The following MAGI2 variants were observed in gnomAD, a reference collection of about 807,000 sequenced individuals.
The protein encoded by MAGI2 is membrane-associated guanylate kinase, WW and PDZ domain-containing protein 2.
In MAGI2, 35 loss-of-function variants were observed where a neutral mutation model predicts 133.3. The ratio of observed to expected loss-of-function variants is 0.26; its 90% CI spans 0.20 to 0.35. The LOEUF (loss-of-function observed/expected upper bound fraction) is 0.35, where lower values mean the gene tolerates loss of function less well. Ranked by LOEUF, MAGI2 falls within the 10% of genes least tolerant of loss-of-function variation. The probability of loss-of-function intolerance (pLI) is 1.00; values close to 1 mark genes in which losing one functional copy is unlikely to be tolerated. For synonymous variants in MAGI2, 729 were observed against 710.6 expected (o/e 1.03, Z -0.41); for missense variants, 1,636 against 1,863.4 (o/e 0.88, Z 2.25).
At chr7:78,396,164 C>T (rs918265620) in intron 6 of MAGI2, among the ~76,000 whole-genome samples, 1 of 152,134 alleles carries the variant, frequency 6.6e-6, no homozygotes, top group African/African-American at 2.4e-5. Context: ...ATTTTCAGAT[C>T]ACCAGTATAA....
chr7:78,553,768 G>A (rs1799560399), intron 3 of MAGI2, among the ~76,000 whole-genome samples: 1 of 152,182 alleles, frequency 6.6e-6, no homozygotes, highest in South Asian at 2.1e-4. Context: ...GTTACCAAGT[G>A]GCAGGGATAG....
At chr7:78,125,639 A>G in intron 20 of MAGI2, 55 bp downstream of exon 20, 1 of 1,584,714 alleles carries the variant, frequency 6.3e-7, no homozygotes, top group South Asian at 1.1e-5. Flanking sequence ...TTCCAATACC[A>G]CAGTCGGTTT....
At chr7:79,264,352 G>T (rs1320801823) in intron 1 of MAGI2, among the ~76,000 whole-genome samples, 3 of 152,192 alleles carry the variant, frequency 2.0e-5, no homozygotes, top group African/African-American at 7.2e-5. Flanking sequence ...AACTCAAAAT[G>T]TAGGGGTTTT....
intron 1 of MAGI2, among the ~76,000 whole-genome samples, chr7:79,444,843 G>A (rs923788527): frequency 2.0e-4 from 30 of 152,304 alleles, no homozygotes; most frequent in Non-Finnish European, 2.2e-4. Context: ...CCAAAAAAGA[G>A]CCTGCATTGC....
At chr7:79,110,423 C>A (rs906624641) in intron 1 of MAGI2, among the ~76,000 whole-genome samples, 1 of 152,148 alleles carries the variant, frequency 6.6e-6, no homozygotes, top group Non-Finnish European at 1.5e-5. Flanking sequence ...TATTTTGGAG[C>A]CTTAAGATTT....
At chr7:78,967,624 A>T (rs377739160) in intron 2 of MAGI2, among the ~76,000 whole-genome samples, 215 of 117,368 alleles carry the variant, frequency 1.8e-3, no homozygotes, top group African/African-American at 9.2e-3. Flanking sequence ...TTTTTTTTTT[A>T]TATATATATA....
intron 1 of MAGI2, among the ~76,000 whole-genome samples, chr7:79,389,791 C>T (rs1450449285): frequency 1.3e-5 from 2 of 151,996 alleles, no homozygotes; most frequent in African/African-American, 4.8e-5. Context: ...TCCCCTTTTA[C>T]TCACTAGAAG....
At chr7:79,259,172 A>G (rs1345504411) in intron 1 of MAGI2, among the ~76,000 whole-genome samples, 2 of 152,246 alleles carry the variant, frequency 1.3e-5, no homozygotes, top group Non-Finnish European at 2.9e-5. Context: ...ATAAATAACA[A>G]CAAATAACAA....
chr7:78,717,875 T>A (rs955459870), intron 2 of MAGI2, among the ~76,000 whole-genome samples: 4 of 152,146 alleles, frequency 2.6e-5, no homozygotes, highest in Admixed American at 6.6e-5. Context: ...CTAGCATAAG[T>A]ACTAATATAA....
chr7:78,493,401 A>G (rs1037999684), intron 5 of MAGI2, among the ~76,000 whole-genome samples: 12 of 152,158 alleles, frequency 7.9e-5, no homozygotes, highest in East Asian at 1.9e-4. Flanking sequence ...ATCCCGTGTC[A>G]TTTCTCGATT....
intron 2 of MAGI2, among the ~76,000 whole-genome samples, chr7:78,683,812 A>T (rs755891610): frequency 6.6e-6 from 1 of 152,202 alleles, no homozygotes; most frequent in Non-Finnish European, 1.5e-5. Context: ...GTTACTGAAT[A>T]CTAACGTTTC....
intron 10 of MAGI2, among the ~76,000 whole-genome samples, chr7:78,220,315 A>G (rs927393200): frequency 6.6e-6 from 1 of 152,192 alleles, no homozygotes; most frequent in African/African-American, 2.4e-5. Context: ...TCTTCCTGGT[A>G]GAACTGACCA....
At position 78,771,618 on chromosome 7, in the gene MAGI2, T is replaced by TA. The variant is rs1339050026; in HGVS notation, c.419-144380dup. ...GAATCATCCAGCTGAACAATTCTTT[T>TA]AAACTTGTAAGCATGACTGTTTCTT... On this transcript the variant is annotated intron_variant, in intron 2 of 21. Transcript: ENST00000354212. Among the ~76,000 whole-genome samples the TA allele has an allele frequency of 5.3e-5, 8 of 152,326 alleles. No homozygotes were observed. The South Asian group carries it at 1.7e-3, about 32-fold the overall frequency.
chr7:78,376,426 A>T (rs1397853797), intron 6 of MAGI2, among the ~76,000 whole-genome samples: 1 of 152,088 alleles, frequency 6.6e-6, no homozygotes, highest in Non-Finnish European at 1.5e-5. Flanking sequence ...GGAAAGAAAA[A>T]CTAGCTGAGC....
chr7:78,083,383 G>GC (rs1816215804), intron 20 of MAGI2, among the ~76,000 whole-genome samples: 1 of 76,418 alleles, frequency 1.3e-5, no homozygotes, highest in Non-Finnish European at 2.5e-5. Flanking sequence ...AGGGAGGGAG[G>GC]GGGGGAGAGA....
intron 9 of MAGI2, among the ~76,000 whole-genome samples, chr7:78,327,318 C>A (rs1488027917): frequency 6.6e-6 from 1 of 152,204 alleles, no homozygotes; most frequent in African/African-American, 2.4e-5. Flanking sequence ...GTCTCTCCTG[C>A]CATCTCTCTC....
intron 3 of MAGI2, among the ~76,000 whole-genome samples, chr7:78,549,462 C>A (rs928344518): frequency 6.6e-6 from 1 of 151,926 alleles, no homozygotes; most frequent in Non-Finnish European, 1.5e-5. Context: ...AGCATCCATC[C>A]AATCTGGAGA....
chr7:78,019,573 A>C lies in MAGI2; in HGVS notation c.4110T>G (p.Arg1370=). Residue 1370 remains arginine, a synonymous_variant, in exon 22 of 22, where the codon CGT becomes CGG. Transcript: ENST00000354212. ...GGCAGAGCTCGGAGCCCGCCGCCGC[A>C]CGGGGCGCCTCCTTCCCGCCCGCCC... ...AARAGGKEAP[R]AAAGSELCRR... The C allele has an allele frequency of 1.0e-6, 1 of 979,168 alleles. No individual in the cohort carries two copies. Among genetic ancestry groups the C allele is most frequent in the African/African-American group, 1.8e-5 (1 of 56,112 alleles). 60.7% of individuals were successfully genotyped at this position (979,168 alleles called of 1,614,324 possible). A position where few individuals can be genotyped will look rare whatever the true frequency, so the allele number is the denominator to read the frequency against.
At chr7:78,798,868 G>A (rs1787835548) in intron 2 of MAGI2, among the ~76,000 whole-genome samples, 3 of 152,184 alleles carry the variant, frequency 2.0e-5, no homozygotes, top group Non-Finnish European at 2.9e-5. Context: ...GGCTGGAAAT[G>A]TATATCATGG....
Sources: allele counts gnomAD v4.1 joint callset (sites outside exome capture counted in the v4.1 genomes callset), GRCh38; gene constraint gnomAD v4.1.1; transcripts MANE v1.5; gene names NCBI Gene and HGNC (gene_info 2026-07-23, HGNC 2026-07-21).